LPXN: variants seen among roughly 807,000 people sequenced by gnomAD.
LPXN encodes leupaxin.
Under a neutral mutation model 45.6 loss-of-function variants are expected in LPXN, and 28 were observed. The observed-to-expected ratio is 0.61, with a 90% CI of 0.45 to 0.84. LPXN has a LOEUF of 0.84. Ranked by LOEUF, LPXN falls within the 40% of genes least tolerant of loss-of-function variation. The pLI, the probability that LPXN is intolerant of heterozygous loss-of-function variation, is 0.00. For synonymous variants in LPXN, 166 were observed against 169.9 expected (o/e 0.98, Z 0.18); for missense variants, 459 against 475.0 (o/e 0.97, Z 0.31).
chr11:58,550,263 G>T (rs1854010485), intron 5 of LPXN, 117 bp from the exon 6 acceptor site: 1 of 940,672 alleles, frequency 1.1e-6, no homozygotes. Context: ...ACACGCCCTG[G>T]AATTATACAA....
chr11:58,543,290 G>A (rs138430556), intron 7 of LPXN, among the ~76,000 whole-genome samples: 298 of 152,256 alleles, frequency 2.0e-3, no homozygotes, highest in African/African-American at 6.8e-3. Flanking sequence ...TGAATGAGCT[G>A]ACATAAGAAA....
intron 7 of LPXN, among the ~76,000 whole-genome samples, chr11:58,541,237 T>C (rs1186021865): frequency 6.6e-6 from 1 of 152,060 alleles, no homozygotes; most frequent in Non-Finnish European, 1.5e-5. Context: ...GAAACTACCA[T>C]CAGAGTGAAC....
At chr11:58,572,246 G>A (rs1417400817) in intron 1 of LPXN, among the ~76,000 whole-genome samples, 1 of 150,860 alleles carries the variant, frequency 6.6e-6, no homozygotes, top group Admixed American at 6.6e-5. Context: ...TTAGATTTTG[G>A]AGGAATGAAT....
chr11:58,530,962 C>A (rs1330262989), intron 7 of LPXN, among the ~76,000 whole-genome samples: 1 of 152,096 alleles, frequency 6.6e-6, no homozygotes, highest in African/African-American at 2.4e-5. Flanking sequence ...AGCAGAGGAG[C>A]CTGACTGTTA....
At chr11:58,539,427 A>C (rs1016891847) in intron 7 of LPXN, among the ~76,000 whole-genome samples, 11 of 152,214 alleles carry the variant, frequency 7.2e-5, no homozygotes, top group African/African-American at 2.7e-4. Context: ...TCAATGAAGC[A>C]GTCTTTTTGG....
chr11:58,555,552 G>T (rs1854174912), intron 3 of LPXN, among the ~76,000 whole-genome samples: 1 of 152,074 alleles, frequency 6.6e-6, no homozygotes, highest in African/African-American at 2.4e-5. Context: ...TATGTATGAA[G>T]ATACAAAGTA....
Position 58,564,199 on chromosome 11 carries a change from C to G in LPXN, c.174G>C (p.Ala58=). 6.2e-7 allele frequency: 1 copy of G among 1,601,956 alleles called. No individual in the cohort carries two copies. The highest frequency in any genetic ancestry group is 1.1e-5 in the South Asian group (1 of 89,320). ...GGATATTGGTAGTATACACGAGCTG[C>G]GCCTAAGATATATAAGTGACAAGAG... ...SIQDNTSPLP[A]QLVYTTNIQE... The change falls in exon 3 of 9, where the codon GCG becomes GCC. Residue 58 remains alanine (A), a splice_region_variant and synonymous_variant. Transcript: ENST00000395074.
intron 7 of LPXN, among the ~76,000 whole-genome samples, chr11:58,538,403 T>C (rs1313031386): frequency 6.6e-6 from 1 of 152,040 alleles, no homozygotes; most frequent in Non-Finnish European, 1.5e-5. Flanking sequence ...TGTAAAAGTG[T>C]TCCTATTTCT....
At chr11:58,555,990 C>T (rs919762530) in intron 3 of LPXN, among the ~76,000 whole-genome samples, 1 of 152,086 alleles carries the variant, frequency 6.6e-6, no homozygotes, top group Middle Eastern at 3.4e-3. Flanking sequence ...CAAAAACTGA[C>T]AGTTTTTGGG....
chr11:58,557,196 T>C (rs1439933124), intron 3 of LPXN, among the ~76,000 whole-genome samples: 1 of 152,162 alleles, frequency 6.6e-6, no homozygotes, highest in Non-Finnish European at 1.5e-5. Context: ...CTTCTGGGCA[T>C]ACACAAAATA....
intron 7 of LPXN, among the ~76,000 whole-genome samples, chr11:58,531,709 A>G (rs569445268): frequency 6.6e-5 from 10 of 152,334 alleles, no homozygotes; most frequent in Admixed American, 5.2e-4. Flanking sequence ...TACAGAGAAC[A>G]CCACAAAGAT....
At chr11:58,551,043 C>T in intron 5 of LPXN, 22 bp downstream of exon 5, 1 of 1,532,852 alleles carries the variant, frequency 6.5e-7, no homozygotes, top group African/African-American at 1.4e-5. Context: ...GGCTGTAGGA[C>T]CAAAATTTCA....
chr11:58,572,044 A>C (rs1167743090), intron 1 of LPXN, among the ~76,000 whole-genome samples: 2 of 152,184 alleles, frequency 1.3e-5, no homozygotes, highest in African/African-American at 2.4e-5. Context: ...ATTTGATTAG[A>C]ACAGTATTTT....
chr11:58,549,641 T>C, intron 7 of LPXN, 145 bp downstream of exon 7: 1 of 612,370 alleles, frequency 1.6e-6, no homozygotes, highest in Non-Finnish European at 2.9e-6. Flanking sequence ...TGGAGAAAGG[T>C]AGGGAGGGAT....
intron 7 of LPXN, among the ~76,000 whole-genome samples, chr11:58,528,712 T>A (rs1853301896): frequency 6.6e-6 from 1 of 152,140 alleles, no homozygotes; most frequent in African/African-American, 2.4e-5. Context: ...AAACAGCATC[T>A]GGGAAGAAAA....
At chr11:58,531,017 G>A (rs2515349) in intron 7 of LPXN, among the ~76,000 whole-genome samples, 145,628 of 152,256 alleles carry the variant, frequency 0.96, 69,807 homozygotes, top group Middle Eastern at 0.99. Flanking sequence ...AACATCAACA[G>A]AAAGGACATC....
intron 4 of LPXN, among the ~76,000 whole-genome samples, chr11:58,551,682 C>T (rs902817566): frequency 3.3e-5 from 5 of 151,418 alleles, no homozygotes; most frequent in South Asian, 2.1e-4. Flanking sequence ...ATTCTGTGGG[C>T]GATAGACAAT....
chr11:58,578,188 C>A (rs1854967069), upstream of LPXN: 5 of 1,121,450 alleles, frequency 4.5e-6, no homozygotes, highest in Non-Finnish European at 6.1e-6. Context: ...TCCCATCAGA[C>A]CAGCAATTGG....
chr11:58,542,623 T>C (rs1853764009), intron 7 of LPXN, among the ~76,000 whole-genome samples: 1 of 152,088 alleles, frequency 6.6e-6, no homozygotes, highest in Non-Finnish European at 1.5e-5. Context: ...TTTGGAACTA[T>C]AATAATGCTT....
Sources: gnomAD v4.1 joint callset for allele counts (sites outside exome capture counted in the v4.1 genomes callset) on GRCh38, gnomAD v4.1.1 for gene constraint, MANE v1.5 for transcripts, NCBI Gene and HGNC (gene_info 2026-07-23, HGNC 2026-07-21) for gene names.